Variants in SAMMSON observed in about 807,000 individuals in gnomAD.
SAMMSON encodes the protein long intergenic non-protein coding RNA 1212.
At chr3:70,106,327 A>T (rs946378085) in intron 4 of SAMMSON, among the ~76,000 whole-genome samples, 4 of 151,292 alleles carry the variant, frequency 2.6e-5, no homozygotes, top group African/African-American at 9.7e-5. Flanking sequence ...TCTGGAGGGC[A>T]GCCTGAGAAT....
intron 7 of SAMMSON, among the ~76,000 whole-genome samples, chr3:70,339,816 C>G (rs1315644298): frequency 2.0e-5 from 3 of 152,184 alleles, no homozygotes; most frequent in Non-Finnish European, 4.4e-5. Context: ...GGACTGCAAA[C>G]TAGTTCAACC....
At chr3:70,121,641 T>C (rs13084430) in intron 4 of SAMMSON, among the ~76,000 whole-genome samples, 18,130 of 152,156 alleles carry the variant, frequency 0.12, 1,580 homozygotes, top group East Asian at 0.42. Context: ...CTTGGGGCTT[T>C]GAAAGTCTTA....
intron 4 of SAMMSON, chr3:70,125,115 G>C (rs989940886): frequency 2.3e-6 from 3 of 1,316,418 alleles, no homozygotes; most frequent in Non-Finnish European, 2.2e-6. Flanking sequence ...CTAGCAGATC[G>C]AGCAAATTGA....
chr3:70,046,326 T>A (rs1430309918), intron 3 of SAMMSON, among the ~76,000 whole-genome samples: 2 of 152,096 alleles, frequency 1.3e-5, no homozygotes, highest in Non-Finnish European at 2.9e-5. Context: ...CGGTGAGCAC[T>A]TTGGAGTCCT....
chr3:70,139,982 C>T (rs1461456688), intron 4 of SAMMSON, among the ~76,000 whole-genome samples: 9 of 152,118 alleles, frequency 5.9e-5, no homozygotes, highest in Admixed American at 1.3e-4. Flanking sequence ...TTTTTTCTAA[C>T]ATGAATAGGC....
In SAMMSON at chr3:70,129,648, TTATAGTC is replaced by T. The variant is rs141018548; in HGVS notation, n.507+58089_507+58095del. 5.2e-3 allele frequency among the ~76,000 whole-genome samples: 790 copies of T among 152,304 alleles called. 5 individuals are homozygous for T. Among genetic ancestry groups the T allele is most frequent in the African/African-American group, 0.018 (742 of 41,578 alleles). ...CAATGATCCTGGGACTGCTTATAGA[TTATAGTC>T]TATAGATATGAAACTAACCCTAATT... On this transcript the variant is annotated intron_variant and non_coding_transcript_variant, in intron 4 of 9. Coordinates refer to ENST00000642114, the Ensembl canonical transcript of SAMMSON.
At chr3:70,045,476 C>G (rs1055414983) in intron 3 of SAMMSON, among the ~76,000 whole-genome samples, 82 of 151,766 alleles carry the variant, frequency 5.4e-4, no homozygotes, top group Non-Finnish European at 3.4e-4. Flanking sequence ...CACACCTGCT[C>G]ACCAATAGTC....
chr3:70,126,328 A>G lies in SAMMSON; in HGVS notation n.507+54763A>G, dbSNP rs72937546. ...TGATCTTGCTCTTTTGCAAATTCAA[A>G]GACTAAAGTATGACCTAAAAGTTTC... On this transcript the variant is annotated intron_variant and non_coding_transcript_variant, in intron 4 of 9. Coordinates refer to ENST00000642114, the Ensembl canonical transcript of SAMMSON. 7 of 1,191,928 alleles carry G rather than the reference A, an allele frequency of 5.9e-6. No homozygotes were observed. The Admixed American group carries it at 1.4e-4, about 24-fold the overall frequency. The allele number at this position is 1,191,928 out of a possible 1,614,324, so 73.8% of individuals were successfully genotyped here.
chr3:70,359,032 C>T (rs1409671967), intron 9 of SAMMSON, among the ~76,000 whole-genome samples: 1 of 151,964 alleles, frequency 6.6e-6, no homozygotes, highest in Non-Finnish European at 1.5e-5. Flanking sequence ...TTTGTTCCAC[C>T]CACCCCCAGC....
intron 3 of SAMMSON, among the ~76,000 whole-genome samples, chr3:70,048,082 AAG>A (rs891196885): frequency 6.6e-6 from 1 of 152,102 alleles, no homozygotes; most frequent in African/African-American, 2.4e-5. Flanking sequence ...CATTTTGGTT[AAG>A]AGTTTAGACT....
chr3:70,290,503 C>G (rs1029378856), intron 6 of SAMMSON, among the ~76,000 whole-genome samples: 1 of 152,218 alleles, frequency 6.6e-6, no homozygotes, highest in African/African-American at 2.4e-5. Flanking sequence ...GAGGTTATGG[C>G]TGTCTTTTTG....
chr3:70,159,950 C>A (rs1433981235), intron 4 of SAMMSON, among the ~76,000 whole-genome samples: 1 of 152,020 alleles, frequency 6.6e-6, no homozygotes, highest in Non-Finnish European at 1.5e-5. Flanking sequence ...TGTTAAAGAG[C>A]TTTACAAGTG....
At chr3:70,057,403 G>A (rs185191788) in intron 3 of SAMMSON, among the ~76,000 whole-genome samples, 12 of 151,852 alleles carry the variant, frequency 7.9e-5, no homozygotes, top group East Asian at 3.9e-4. Flanking sequence ...GATTATTCTC[G>A]TGGGACTAAC....
At chr3:70,161,682 A>T (rs1441654994) in intron 4 of SAMMSON, among the ~76,000 whole-genome samples, 1 of 151,902 alleles carries the variant, frequency 6.6e-6, no homozygotes, top group Non-Finnish European at 1.5e-5. Flanking sequence ...GAATGCCCTC[A>T]TAAAATGATT....
At chr3:70,170,347 AT>A (rs1266878146) in intron 4 of SAMMSON, among the ~76,000 whole-genome samples, 10 of 152,014 alleles carry the variant, frequency 6.6e-5, no homozygotes, top group African/African-American at 2.4e-4. Flanking sequence ...ATGTTCAAAA[AT>A]TTTAAAAGAA....
At chr3:70,297,344 C>T (rs1441648152) in intron 7 of SAMMSON, among the ~76,000 whole-genome samples, 1 of 151,894 alleles carries the variant, frequency 6.6e-6, no homozygotes, top group Non-Finnish European at 1.5e-5. Flanking sequence ...GATGCTTGCT[C>T]TAGACCACAA....
chr3:70,059,723 C>T (rs1216962658), intron 3 of SAMMSON, among the ~76,000 whole-genome samples: 1 of 152,006 alleles, frequency 6.6e-6, no homozygotes, highest in East Asian at 1.9e-4. Flanking sequence ...AATATTTTAC[C>T]AGCTATCTGA....
chr3:70,280,841 C>T (rs1297388158), intron 6 of SAMMSON, among the ~76,000 whole-genome samples: 1 of 152,100 alleles, frequency 6.6e-6, no homozygotes, highest in Non-Finnish European at 1.5e-5. Context: ...GGTACTGCCC[C>T]ACACCCAGAA....
intron 4 of SAMMSON, among the ~76,000 whole-genome samples, chr3:70,232,381 C>T (rs1012645930): frequency 6.6e-6 from 1 of 151,488 alleles, no homozygotes; most frequent in Non-Finnish European, 1.5e-5. Flanking sequence ...ACTCATGTGG[C>T]TGGACACAAT....
Sources: gnomAD v4.1 joint callset for allele counts (sites outside exome capture counted in the v4.1 genomes callset) on GRCh38, gnomAD v4.1.1 for gene constraint, MANE v1.5 for transcripts, NCBI Gene and HGNC (gene_info 2026-07-23, HGNC 2026-07-21) for gene names.